Variants in BTN2A2 observed in about 807,000 individuals in gnomAD.
BTN2A2 encodes butyrophilin 2.
A neutral mutation model predicts 34.7 loss-of-function variants in BTN2A2; 29 were observed. The observed-to-expected ratio is 0.84, with a 90% CI of 0.62 to 1.14. BTN2A2 has a LOEUF of 1.14. BTN2A2 is among the 50% of genes most tolerant of loss of function. The pLI, the probability that BTN2A2 is intolerant of heterozygous loss-of-function variation, is 0.00. For synonymous variants in BTN2A2, 240 were observed against 253.1 expected (o/e 0.95, Z 0.49); for missense variants, 612 against 651.5 (o/e 0.94, Z 0.66).
At chr6:26,391,946 T>C (rs1253913823) in intron 7 of BTN2A2, 1 of 473,320 alleles carries the variant, frequency 2.1e-6, no homozygotes, top group Non-Finnish European at 3.8e-6. Flanking sequence ...ACTCACTTAA[T>C]TGATCCATTG....
intron 5 of BTN2A2, 132 bp from the exon 6 acceptor site, chr6:26,390,555 G>A (rs1011561800): frequency 8.9e-7 from 1 of 1,124,044 alleles, no homozygotes. Flanking sequence ...GTTTCTGACT[G>A]TTCCTTAGGC....
rs777500963 is a variant in BTN2A2 at position 26,388,299 on chromosome 6, G to A, written c.724+5G>A. 1.9e-6 allele frequency: 3 copies of A among 1,613,796 alleles called. No homozygotes were observed. The highest frequency in any genetic ancestry group is 2.5e-6 in the Non-Finnish European group (3 of 1,179,850). On this transcript the variant is annotated splice_donor_5th_base_variant and intron_variant, in intron 4 of 7. Transcript: ENST00000356709. ...AAACTGTCATTTTTATTCCAGGTTA[G>A]TTCTCTGCCCTCTGAGACCTATCAA...
intron 4 of BTN2A2, among the ~76,000 whole-genome samples, chr6:26,389,245 C>T (rs1367910860): frequency 1.3e-5 from 2 of 151,976 alleles, no homozygotes; most frequent in Admixed American, 1.3e-4. Flanking sequence ...AAAAATTAAG[C>T]AAAGAGAAAA....
intron 4 of BTN2A2, among the ~76,000 whole-genome samples, chr6:26,388,861 C>T (rs1443348712): frequency 1.3e-5 from 2 of 152,158 alleles, no homozygotes; most frequent in Non-Finnish European, 2.9e-5. Flanking sequence ...GTGGCTCACA[C>T]CTGCAATCCC....
intron 5 of BTN2A2, 186 bp downstream of exon 5, chr6:26,390,397 A>G (rs1171013160): frequency 1.4e-6 from 1 of 696,468 alleles, no homozygotes; most frequent in East Asian, 2.7e-5. Context: ...CATAAGAAGT[A>G]ATCATTCAGA....
At chr6:26,392,245 G>A (rs1314761533) in intron 7 of BTN2A2, 130 bp from the exon 8 acceptor site, 5 of 1,557,290 alleles carry the variant, frequency 3.2e-6, no homozygotes, top group African/African-American at 1.4e-5. Flanking sequence ...TGGGATCAGG[G>A]GACCTTCATG....
At position 26,394,320 on chromosome 6, in the gene BTN2A2, G is replaced by A. The variant is rs1208822316; in HGVS notation, c.*1353G>A. On this transcript the variant is annotated 3_prime_UTR_variant, in exon 8 of 8. Coordinates refer to ENST00000356709, the MANE Select transcript of BTN2A2 (RefSeq NM_006995.5). ...TAGATGTCAACCTGACTGGATTAAG[G>A]AATACCTAGACAGCTGGTACAACAT... 3 of 700,594 alleles carry A rather than the reference G, an allele frequency of 4.3e-6. No homozygotes were observed. Among genetic ancestry groups the A allele is most frequent in the Admixed American group, 4.0e-5 (2 of 49,968 alleles). 43.4% of individuals were successfully genotyped at this position (700,594 alleles called of 1,614,324 possible).
At position 26,384,820 on chromosome 6, in the gene BTN2A2, G is replaced by A. The variant is rs1761075693; in HGVS notation, c.95-195G>A. 6.6e-6 allele frequency among the ~76,000 whole-genome samples: 1 copy of A among 152,218 alleles called. No homozygotes were observed. The highest frequency in any genetic ancestry group is 1.5e-5 in the Non-Finnish European group (1 of 68,036). On this transcript the variant is annotated intron_variant, in intron 2 of 7. Coordinates refer to ENST00000356709, the MANE Select transcript of BTN2A2 (RefSeq NM_006995.5). The surrounding 1 kb of genome is among the most constrained non-coding windows in gnomAD (Gnocchi z 4.0). The stretch of plus-strand genomic sequence containing the variant: ...GCCTCAATAGTTACTGCTCCCAGGG[G>A]TTGGTGCTGCCGACCAGCCACAGCT...
intron 5 of BTN2A2, 60 bp downstream of exon 5, chr6:26,390,271 A>T (rs1048732206): frequency 1.3e-6 from 2 of 1,509,254 alleles, no homozygotes; most frequent in Non-Finnish European, 1.8e-6. Context: ...GAAAAGTTAA[A>T]TGAGTAGGAG....
intron 7 of BTN2A2, chr6:26,391,539 G>GGACAC (rs1326737486): frequency 6.5e-6 from 1 of 153,382 alleles, no homozygotes; most frequent in Non-Finnish European, 1.4e-5. Flanking sequence ...TGTCATTTTG[G>GGACAC]GACACAATCA....
intron 3 of BTN2A2, among the ~76,000 whole-genome samples, chr6:26,386,330 TTTTGC>T (rs1761200495): frequency 6.6e-6 from 1 of 151,008 alleles, no homozygotes. Context: ...AGTTAGTGTA[TTTTGC>T]TTTAAAAGGT....
At position 26,388,113 on chromosome 6, in the gene BTN2A2, G is replaced by A; in HGVS notation, c.543G>A (p.Val181=). Residue 181 remains valine (V), a synonymous_variant, in exon 4 of 8, where the codon GTG becomes GTA. Coordinates refer to ENST00000356709, the MANE Select transcript of BTN2A2 (RefSeq NM_006995.5). ...GGTGGTACCCAGAGCCCCTCACAGT[G>A]TGGAGGGACCCCTACGGTGAGGTTG... ...SGGWYPEPLT[V]WRDPYGEVVP... is the part of the protein sequence containing the mutation. The A allele has an allele frequency of 6.2e-7, 1 of 1,614,162 alleles. No individual in the cohort carries two copies. Among genetic ancestry groups the A allele is most frequent in the South Asian group, 1.1e-5 (1 of 91,086 alleles).
At chr6:26,388,424 A>G in intron 4 of BTN2A2, 130 bp downstream of exon 4, 2 of 1,077,420 alleles carry the variant, frequency 1.9e-6, no homozygotes, top group Non-Finnish European at 2.7e-6. Context: ...TGGAGGCTGC[A>G]GCTGAGTTGA....
intron 5 of BTN2A2, 63 bp from the exon 6 acceptor site, chr6:26,390,624 A>G: frequency 6.2e-7 from 1 of 1,609,022 alleles, no homozygotes; most frequent in Non-Finnish European, 8.5e-7. Context: ...TGTTTAATAC[A>G]AGCTCAATTT....
Position 26,393,844 on chromosome 6 carries a change from A to C in BTN2A2, c.*877A>C. The C allele has an allele frequency of 1.2e-6, 1 of 845,060 alleles. No individual in the cohort carries two copies. The highest frequency in any genetic ancestry group is 1.4e-6 in the Non-Finnish European group (1 of 701,604). 52.3% of individuals were successfully genotyped at this position (845,060 alleles called of 1,614,324 possible). Reference sequence around the variant, plus strand: ...CTTTTGTTTATTTGGGTTAATATTTATGACATTTGACATTGAAACAAAAAT... The same window carrying C: ...CTTTTGTTTATTTGGGTTAATATTTCTGACATTTGACATTGAAACAAAAAT... On this transcript the variant is annotated 3_prime_UTR_variant, in exon 8 of 8. Coordinates refer to ENST00000356709, the MANE Select transcript of BTN2A2 (RefSeq NM_006995.5).
chr6:26,392,929 C>T lies in BTN2A2; in HGVS notation c.1534C>T (p.Leu512=). Reference sequence around the variant, plus strand: ...TGGGGTCATGGTGCCTGAAGAGGGCCTGAAACTTCACAGAGTGGGGACCCA... The same window carrying T: ...TGGGGTCATGGTGCCTGAAGAGGGCTTGAAACTTCACAGAGTGGGGACCCA... ...ASGVMVPEEG[L]KLHRVGTHQS... is the part of the protein sequence containing the mutation. Residue 512 remains leucine (L), a synonymous_variant, in exon 8 of 8, where the codon CTG becomes TTG. Transcript: ENST00000356709. The T allele has an allele frequency of 1.9e-6, 3 of 1,614,166 alleles. No individual in the cohort carries two copies. The highest frequency in any genetic ancestry group is 2.5e-6 in the Non-Finnish European group (3 of 1,180,026).
rs1484417306 is a variant in BTN2A2 at position 26,394,605 on chromosome 6, C to T, written c.*1638C>T. The T allele has an allele frequency of 2.6e-6, 1 of 385,144 alleles. No individual in the cohort carries two copies. Among genetic ancestry groups the T allele is most frequent in the Non-Finnish European group, 4.6e-6 (1 of 215,460 alleles). 23.9% of individuals were successfully genotyped at this position (385,144 alleles called of 1,614,324 possible). ...GCCTTTGGCTTTGGACTGAGAGTTA[C>T]ACAATCAGCTTCCCTGGTTCTGAGG... On this transcript the variant is annotated 3_prime_UTR_variant, in exon 8 of 8. Transcript: ENST00000356709.
intron 7 of BTN2A2, 185 bp from the exon 8 acceptor site, chr6:26,392,190 A>G: frequency 6.6e-7 from 1 of 1,526,054 alleles, no homozygotes; most frequent in Non-Finnish European, 8.8e-7. Flanking sequence ...CTGTCTCTGG[A>G]GAGATAGAAG....
Position 26,390,870 on chromosome 6 carries a change from C to A in BTN2A2, c.979+41C>A, listed in dbSNP as rs1396087601. The stretch of plus-strand genomic sequence containing the variant: ...GTTCTCTCAGATCTCAGCTTTCTCC[C>A]CACTAGCCAGCTAACAGGACTCCTT... On this transcript the variant is annotated intron_variant, in intron 7 of 7. Coordinates refer to ENST00000356709, the MANE Select transcript of BTN2A2 (RefSeq NM_006995.5). The A allele has an allele frequency of 5.0e-6, 8 of 1,613,160 alleles. No homozygotes were observed. In the Admixed American group the frequency reaches 8.3e-5, roughly 17 times the overall value.
Sources: allele counts gnomAD v4.1 joint callset (sites outside exome capture counted in the v4.1 genomes callset), GRCh38; gene constraint gnomAD v4.1.1; non-coding constraint Gnocchi (gnomAD v3.1); transcripts MANE v1.5; gene names NCBI Gene and HGNC (gene_info 2026-07-23, HGNC 2026-07-21).